Variants in CCDC3 observed in about 807,000 individuals in gnomAD.
CCDC3 encodes the protein coiled-coil domain containing 3.
Under a neutral mutation model 21.4 loss-of-function variants are expected in CCDC3, and 24 were observed. That is an observed-to-expected ratio of 1.12 (90% CI 0.81 to 1.58). CCDC3 has a LOEUF of 1.58. Ranked by LOEUF, CCDC3 falls within the 40% of genes most tolerant of loss-of-function variation. CCDC3 has a pLI of 0.00. For missense variants in CCDC3, 425 were observed against 360.9 expected, an observed-to-expected ratio of 1.18 and a Z score of -1.44; for synonymous variants, 186 against 166.0, an observed-to-expected ratio of 1.12 and a Z score of -0.93.
chr10:12,998,555 A>G, intron 1 of CCDC3, 43 bp from the exon 2 acceptor site: 2 of 1,574,050 alleles, frequency 1.3e-6, no homozygotes, highest in Admixed American at 3.6e-5. Context: ...TAGACAGTCA[A>G]GGGTGTACCA....
intron 2 of CCDC3, among the ~76,000 whole-genome samples, chr10:12,956,556 A>G (rs1012113107): frequency 6.6e-6 from 1 of 152,198 alleles, no homozygotes; most frequent in Non-Finnish European, 1.5e-5. Flanking sequence ...AGTCTAGACT[A>G]TATGATAATT....
chr10:13,000,213 T>A (rs1234901513), intron 1 of CCDC3, among the ~76,000 whole-genome samples: 1 of 152,234 alleles, frequency 6.6e-6, no homozygotes, highest in African/African-American at 2.4e-5. Flanking sequence ...ATTTACTATC[T>A]TGATAGATAG....
chr10:12,906,254 A>C (rs1834169970), intron 2 of CCDC3, among the ~76,000 whole-genome samples: 1 of 152,206 alleles, frequency 6.6e-6, no homozygotes, highest in South Asian at 2.1e-4. Context: ...AGATGACTGC[A>C]TGTGGCTTGG....
chr10:13,009,001 C>T (rs1835955484), intron 5 of CCDC3, among the ~76,000 whole-genome samples: 1 of 152,014 alleles, frequency 6.6e-6, no homozygotes, highest in East Asian at 1.9e-4. Context: ...TCTATTTACC[C>T]ATGACATGAT....
At chr10:12,999,268 T>C (rs997030346) in intron 1 of CCDC3, among the ~76,000 whole-genome samples, 1 of 152,072 alleles carries the variant, frequency 6.6e-6, no homozygotes, top group African/African-American at 2.4e-5. Context: ...AAGTAAAAAA[T>C]AGTACCTACT....
intron 2 of CCDC3, among the ~76,000 whole-genome samples, chr10:12,943,915 G>A (rs1386189653): frequency 5.3e-5 from 8 of 152,018 alleles, no homozygotes; most frequent in Non-Finnish European, 1.2e-4. Flanking sequence ...CGAATCTTGG[G>A]TATTTACCCC....
Position 12,899,620 on chromosome 10 carries a change from AC to A in CCDC3, c.550-942del, listed in dbSNP as rs527457409. 1.0e-3 allele frequency among the ~76,000 whole-genome samples: 156 copies of A among 152,350 alleles called. 1 individual carries two copies. Among genetic ancestry groups the A allele is most frequent in the African/African-American group, 3.6e-3 (148 of 41,588 alleles). ...GCAAAGGTTTGCCGTTTTTAAAGGA[AC>A]AAGACAGCTCCGTGTGAATGGTGGT... On this transcript the variant is annotated intron_variant, in intron 2 of 2. Transcript: ENST00000378825.
At chr10:13,039,848 G>C (rs1237283384) in intron 5 of CCDC3, among the ~76,000 whole-genome samples, 1 of 151,422 alleles carries the variant, frequency 6.6e-6, no homozygotes, top group Non-Finnish European at 1.5e-5. Context: ...TACAATAACT[G>C]TGACAGACGT....
chr10:13,093,625 C>A (rs552964575), intron 3 of CCDC3, among the ~76,000 whole-genome samples: 27 of 152,178 alleles, frequency 1.8e-4, no homozygotes, highest in Non-Finnish European at 3.5e-4. Flanking sequence ...TCTATCTTAG[C>A]CCCTGACTTC....
At position 12,930,092 on chromosome 10, in the gene CCDC3, C is replaced by T. The variant is rs1446470164; in HGVS notation, c.550-31413G>A. 2.0e-5 allele frequency among the ~76,000 whole-genome samples: 3 copies of T among 152,208 alleles called. No individual in the cohort carries two copies. In the East Asian group the frequency reaches 5.8e-4, roughly 29 times the overall value. On this transcript the variant is annotated intron_variant, in intron 2 of 2. Coordinates refer to ENST00000378825, the MANE Select transcript of CCDC3 (RefSeq NM_031455.4). ...CTAGTTGGGGATTTCCTCTGTCTTCCATAATTGCAGAGTTGAAGCAGAAGG... is the reference window on the plus strand; with the variant it reads ...CTAGTTGGGGATTTCCTCTGTCTTCTATAATTGCAGAGTTGAAGCAGAAGG...
chr10:13,079,149 A>G (rs370566962), intron 3 of CCDC3, among the ~76,000 whole-genome samples: 1 of 152,240 alleles, frequency 6.6e-6, no homozygotes, highest in African/African-American at 2.4e-5. Flanking sequence ...ATTTTTCCTT[A>G]TGGTACCAAG....
At chr10:12,957,696 G>T (rs550401701) in intron 2 of CCDC3, among the ~76,000 whole-genome samples, 22 of 152,274 alleles carry the variant, frequency 1.4e-4, no homozygotes, top group African/African-American at 4.3e-4. Context: ...CTCCCTCGTT[G>T]TTCTGGCCAT....
rs938078838 is a variant in CCDC3, at chr10:12,916,531, A to G, written c.550-17852T>C. Among the ~76,000 whole-genome samples the G allele has an allele frequency of 3.4e-5, 5 of 148,760 alleles. No homozygotes were observed. The East Asian group carries it at 5.9e-4, about 18-fold the overall frequency. ...TATGTGGACCAACCTGAGGCAGGAG[A>G]ATCGCTTGAACCTGGGAGGCAGAGG... is the stretch of plus-strand genomic sequence containing the variant. On this transcript the variant is annotated intron_variant, in intron 2 of 2. Coordinates refer to ENST00000378825, the MANE Select transcript of CCDC3 (RefSeq NM_031455.4).
chr10:12,940,232 T>G (rs1240930821), intron 2 of CCDC3, among the ~76,000 whole-genome samples: 1 of 144,466 alleles, frequency 6.9e-6, no homozygotes, highest in Non-Finnish European at 1.5e-5. Flanking sequence ...TGAAATTGTT[T>G]TTTTTTTTTT....
At chr10:12,986,348 T>C (rs746502703) in intron 2 of CCDC3, among the ~76,000 whole-genome samples, 6 of 152,198 alleles carry the variant, frequency 3.9e-5, no homozygotes, top group Non-Finnish European at 5.9e-5. Context: ...GGTTTTGATA[T>C]TGCACTACAG....
At chr10:12,938,305 C>A (rs1016305294) in intron 2 of CCDC3, among the ~76,000 whole-genome samples, 2 of 151,754 alleles carry the variant, frequency 1.3e-5, no homozygotes, top group Non-Finnish European at 2.9e-5. Flanking sequence ...TCCACACGTT[C>A]AATACTTTTA....
chr10:13,072,139 C>T (rs961557133), intron 4 of CCDC3, among the ~76,000 whole-genome samples: 1 of 152,146 alleles, frequency 6.6e-6, no homozygotes, highest in Non-Finnish European at 1.5e-5. Context: ...CTTACCGTAA[C>T]CTCCTTGTTT....
At chr10:12,937,007 C>T (rs1399399402) in intron 2 of CCDC3, among the ~76,000 whole-genome samples, 1 of 152,182 alleles carries the variant, frequency 6.6e-6, no homozygotes, top group Non-Finnish European at 1.5e-5. Flanking sequence ...CACAAGGGGA[C>T]CTGTATCTGA....
chr10:13,037,974 C>T (rs1315435901), intron 5 of CCDC3, among the ~76,000 whole-genome samples: 1 of 152,098 alleles, frequency 6.6e-6, no homozygotes, highest in East Asian at 1.9e-4. Context: ...GCCTTTTCCC[C>T]AGCCAGGTCT....
Sources: allele counts gnomAD v4.1 joint callset (sites outside exome capture counted in the v4.1 genomes callset), GRCh38; gene constraint gnomAD v4.1.1; transcripts MANE v1.5; gene names NCBI Gene and HGNC (gene_info 2026-07-23, HGNC 2026-07-21).